ZNF185: variants seen among roughly 807,000 people sequenced by gnomAD.
ZNF185 encodes zinc finger protein 185.
A neutral mutation model predicts 58.6 loss-of-function variants in ZNF185; 56 were observed. The observed-to-expected ratio is 0.95, with a 90% CI of 0.77 to 1.19. The LOEUF is 1.19. Ranked by LOEUF, ZNF185 falls within the 50% of genes most tolerant of loss-of-function variation. ZNF185 has a pLI of 0.00. For missense variants in ZNF185, 627 were observed against 573.5 expected, an observed-to-expected ratio of 1.09 and a Z score of -0.95; for synonymous variants, 230 against 215.9, an observed-to-expected ratio of 1.07 and a Z score of -0.57.
chrX:152,919,190 G>A (rs11796160), intron 7 of ZNF185, 109 bp downstream of exon 8: 6,594 of 597,212 alleles, frequency 0.011, 33 homozygotes, highest in Non-Finnish European at 0.013. Flanking sequence ...TGCACAACAC[G>A]TAGGCCATCA....
intron 13 of ZNF185, 24 bp from the exon 15 acceptor site, chrX:152,932,849 C>T: frequency 1.4e-5 from 16 of 1,141,970 alleles, no homozygotes; most frequent in Non-Finnish European, 1.9e-5. Flanking sequence ...CTAGAGTCAG[C>T]AAATACTCCA....
At chrX:152,910,705 A>G (rs1270932140), upstream of ZNF185, among the ~76,000 whole-genome samples, 6 of 112,303 alleles carry the variant, frequency 5.3e-5, no homozygotes, top group Non-Finnish European at 1.1e-4. Context: ...TCCTCAGGCT[A>G]CTTGGCTGCG....
chrX:152,917,612 C>T (rs1938770885), intron 5 of ZNF185, among the ~76,000 whole-genome samples: 1 of 111,800 alleles, frequency 8.9e-6, no homozygotes, highest in Non-Finnish European at 1.9e-5. Flanking sequence ...GTGTCCTTGT[C>T]CTGGGGTCAG....
chrX:152,928,616 C>T, exon 12 of ZNF185: 1 of 1,211,809 alleles, frequency 8.3e-7, no homozygotes, highest in African/African-American at 1.7e-5. Flanking sequence ...ATCCTGACAC[C>T]CAGGGCAGGA....
chrX:152,961,026 A>G (rs1026294144), intron 17 of ZNF185, among the ~76,000 whole-genome samples: 2 of 111,953 alleles, frequency 1.8e-5, no homozygotes, highest in African/African-American at 6.5e-5. Context: ...GACTGGCTGC[A>G]TTTTCAAGAT....
chrX:152,916,983 G>T, intron 3 of ZNF185, 148 bp from the exon 5 acceptor site: 1 of 788,566 alleles, frequency 1.3e-6, no homozygotes, highest in South Asian at 2.4e-5. Flanking sequence ...GGGCACAGGG[G>T]GCTGGCACCC....
rs543896233 is a variant in ZNF185, at chrX:152,935,058, A to C, written c.1121+2087A>C. Among the ~76,000 whole-genome samples, 51 of 111,055 alleles carry C rather than the reference A, an allele frequency of 4.6e-4. 1 individual carries two copies. The East Asian group carries it at 0.014, about 31-fold the overall frequency. On this transcript the variant is annotated intron_variant, in intron 14 of 22. Transcript: ENST00000449285. ...AGGCTGGTTTGGAACTCCTGGGCTC[A>C]AGCAGTCCACCGACCTCAGCCTCCC...
At chrX:152,945,196 CT>C in intron 15 of ZNF185, 70 bp from the exon 18 acceptor site, 3 of 1,096,695 alleles carry the variant, frequency 2.7e-6, no homozygotes, top group Non-Finnish European at 3.6e-6. Context: ...TGACAGCCAG[CT>C]TGCGTCCTGG....
At chrX:152,911,576 T>C (rs1371114594), upstream of ZNF185, among the ~76,000 whole-genome samples, 3 of 105,803 alleles carry the variant, frequency 2.8e-5, no homozygotes, top group Non-Finnish European at 3.9e-5. Flanking sequence ...GCTCTGTAGA[T>C]GGGATGTAGA....
chrX:152,916,987 G>A, intron 3 of ZNF185, 144 bp from the exon 5 acceptor site: 1 of 799,545 alleles, frequency 1.3e-6, no homozygotes, highest in Non-Finnish European at 1.8e-6. Flanking sequence ...ACAGGGGGCT[G>A]GCACCCCTCG....
intron 14 of ZNF185, among the ~76,000 whole-genome samples, chrX:152,937,853 G>A (rs1204889153): frequency 2.7e-5 from 3 of 112,395 alleles, no homozygotes; most frequent in Non-Finnish European, 3.8e-5. Context: ...CAGGGGCAGT[G>A]TTTGCTCTTG....
the ZNF185 span, among the ~76,000 whole-genome samples, chrX:152,909,210 G>T: frequency 7.1e-5 from 8 of 112,689 alleles, no homozygotes; most frequent in East Asian, 2.2e-3. Context: ...GTGGCCAGAG[G>T]GTTTATCTGC....
chrX:152,907,221 C>T, the ZNF185 span, among the ~76,000 whole-genome samples: 3 of 112,271 alleles, frequency 2.7e-5, no homozygotes, highest in African/African-American at 9.7e-5. Context: ...CTGCCGCCCC[C>T]GCTCCTCCAG....
At chrX:152,919,109 C>T in intron 7 of ZNF185, 28 bp downstream of exon 8, 1 of 1,134,009 alleles carries the variant, frequency 8.8e-7, no homozygotes, top group Non-Finnish European at 1.2e-6. Flanking sequence ...TTTGGGCATC[C>T]CGGGGGGCAG....
intron 7 of ZNF185, 103 bp downstream of exon 8, chrX:152,919,184 C>A: frequency 1.6e-6 from 1 of 638,562 alleles, no homozygotes; most frequent in Non-Finnish European, 2.5e-6. Flanking sequence ...ACAAAATGCA[C>A]AACACGTAGG....
chrX:152,918,518 G>A (rs1556867606), intron 6 of ZNF185, among the ~76,000 whole-genome samples: 1 of 113,061 alleles, frequency 8.8e-6, no homozygotes, highest in Non-Finnish European at 1.9e-5. Flanking sequence ...CTGCCTGGCT[G>A]CACTGGGCTG....
At chrX:152,901,596 G>A in the ZNF185 span, among the ~76,000 whole-genome samples, 1 of 111,421 alleles carries the variant, frequency 9.0e-6, no homozygotes, top group African/African-American at 3.3e-5. Flanking sequence ...TGGGTCAGAG[G>A]GTGGGCAGGG....
chrX:152,968,169 A>G (rs1194401795), intron 20 of ZNF185, among the ~76,000 whole-genome samples: 1 of 112,520 alleles, frequency 8.9e-6, no homozygotes, highest in Admixed American at 9.4e-5. Context: ...CTGAAGAAGC[A>G]GGTGGTTCTG....
At chrX:152,964,965 G>C (rs908425990) in intron 18 of ZNF185, among the ~76,000 whole-genome samples, 2 of 111,769 alleles carry the variant, frequency 1.8e-5, no homozygotes, top group African/African-American at 3.3e-5. Flanking sequence ...AGAATGGAGA[G>C]GTTAGATGTG....
Sources: allele counts gnomAD v4.1 joint callset (sites outside exome capture counted in the v4.1 genomes callset), GRCh38; gene constraint gnomAD v4.1.1; transcripts MANE v1.5; gene names NCBI Gene and HGNC (gene_info 2026-07-23, HGNC 2026-07-21).